The following TCF4 variants were observed in gnomAD, a reference collection of about 807,000 sequenced individuals.
The protein encoded by TCF4 is transcription factor 4.
A neutral mutation model predicts 82.1 loss-of-function variants in TCF4; 3 were observed. The ratio of observed to expected loss-of-function variants is 0.04; its 90% CI spans 0.02 to 0.09. TCF4 has a LOEUF of 0.09. Among genes scored for constraint, TCF4 ranks in the 10% least tolerant of loss-of-function variants. TCF4 has a pLI of 1.00. For synonymous variants in TCF4, 276 were observed against 309.6 expected (o/e 0.89, Z 1.14); for missense variants, 518 against 852.7 (o/e 0.61, Z 4.89).
rs188969435 is a variant in TCF4, at chr18:55,542,865, G to A, written c.145+42415C>T. ...TTTTAAATTTACAGGCACAATTTAT[G>A]AGTCTATTAATTAAACATCTAAAAC... is the stretch of plus-strand genomic sequence containing the variant. On this transcript the variant is annotated intron_variant, in intron 3 of 19. Transcript: ENST00000354452. Among the ~76,000 whole-genome samples, 386 of 152,132 alleles carry A rather than the reference G, an allele frequency of 2.5e-3. 3 individuals are homozygous for A. Among genetic ancestry groups the A allele is most frequent in the Middle Eastern group, 0.01 (3 of 294 alleles).
At chr18:55,586,752 G>A (rs1382834067) in intron 2 of TCF4, among the ~76,000 whole-genome samples, 2 of 151,918 alleles carry the variant, frequency 1.3e-5, no homozygotes, top group Non-Finnish European at 2.9e-5. Context: ...TTTAGTTTTA[G>A]GGGTGTCTAT....
intron 8 of TCF4, among the ~76,000 whole-genome samples, chr18:55,301,814 T>TGG (rs879662082): frequency 0.049 from 3,650 of 74,702 alleles, 90 homozygotes; most frequent in South Asian, 0.19. Context: ...AAAAAAAAAG[T>TGG]GGGGGGGGAT....
intron 6 of TCF4, among the ~76,000 whole-genome samples, chr18:55,376,575 G>C (rs2090807162): frequency 6.6e-6 from 1 of 152,166 alleles, no homozygotes; most frequent in Non-Finnish European, 1.5e-5. Context: ...TATGCAAAGA[G>C]GAGGTGCCAT....
At chr18:55,229,100 A>G (rs1379077078) in intron 17 of TCF4, 24 bp from the exon 18 acceptor site, 1 of 1,611,196 alleles carries the variant, frequency 6.2e-7, no homozygotes, top group Non-Finnish European at 8.5e-7. Context: ...GGGATGCAAC[A>G]TTTTCTAATG....
At chr18:55,590,566 A>G (rs2097683471), upstream of TCF4, among the ~76,000 whole-genome samples, 1 of 152,224 alleles carries the variant, frequency 6.6e-6, no homozygotes, top group African/African-American at 2.4e-5. Context: ...CGAATTTTAT[A>G]GTGGATACAG....
intron 6 of TCF4, among the ~76,000 whole-genome samples, chr18:55,380,876 T>TAG: frequency 6.6e-6 from 1 of 152,334 alleles, no homozygotes; most frequent in African/African-American, 2.4e-5. Context: ...CAGGAGCTGG[T>TAG]AGGAAAGTAG....
At chr18:55,494,803 G>A (rs1603593119) in intron 3 of TCF4, among the ~76,000 whole-genome samples, 1 of 152,058 alleles carries the variant, frequency 6.6e-6, no homozygotes, top group East Asian at 1.9e-4. Flanking sequence ...ACCCTTGTAA[G>A]AACATAAATC....
chr18:55,324,290 T>C (rs983838250), intron 8 of TCF4, among the ~76,000 whole-genome samples: 2 of 152,236 alleles, frequency 1.3e-5, no homozygotes, highest in African/African-American at 4.8e-5. Context: ...AGTGAGACAC[T>C]GAACGTATTA....
intron 13 of TCF4, among the ~76,000 whole-genome samples, chr18:55,257,935 A>G (rs2057236208): frequency 2.0e-5 from 3 of 152,248 alleles, no homozygotes; most frequent in Admixed American, 6.5e-5. Context: ...TTTCTTCTGA[A>G]GAAAATAATT....
intron 3 of TCF4, among the ~76,000 whole-genome samples, chr18:55,545,776 A>G (rs1259330923): frequency 2.0e-5 from 3 of 152,094 alleles, no homozygotes; most frequent in Non-Finnish European, 4.4e-5. Flanking sequence ...TCACCCACTT[A>G]ATGTATTAAA....
intron 8 of TCF4, among the ~76,000 whole-genome samples, chr18:55,317,411 A>C (rs912094408): frequency 1.2e-4 from 18 of 152,060 alleles, no homozygotes; most frequent in Admixed American, 4.6e-4. Context: ...AATAGTAAGT[A>C]TAAGAAATAT....
intron 8 of TCF4, chr18:55,322,377 G>C: frequency 1.0e-6 from 1 of 990,606 alleles, no homozygotes. Context: ...ATTGTACGCA[G>C]CTGCCTGAGA....
At chr18:55,425,688 C>T (rs917528639) in intron 5 of TCF4, among the ~76,000 whole-genome samples, 3 of 152,260 alleles carry the variant, frequency 2.0e-5, no homozygotes, top group South Asian at 2.1e-4. Context: ...CAGATGTGTA[C>T]GTTGGGCTCT....
At chr18:55,337,920 C>T (rs556357292) in intron 8 of TCF4, among the ~76,000 whole-genome samples, 1 of 152,144 alleles carries the variant, frequency 6.6e-6, no homozygotes, top group South Asian at 2.1e-4. Flanking sequence ...AACAGCTGTA[C>T]TGGCCTCAAG....
At chr18:55,592,455 A>T (rs2097686604), upstream of TCF4, among the ~76,000 whole-genome samples, 1 of 152,116 alleles carries the variant, frequency 6.6e-6, no homozygotes, top group Non-Finnish European at 1.5e-5. Flanking sequence ...TCCTCTTCTT[A>T]TGAGAACACT....
intron 5 of TCF4, 31 bp from the exon 6 acceptor site, chr18:55,403,549 T>C: frequency 1.2e-6 from 2 of 1,613,748 alleles, no homozygotes; most frequent in Non-Finnish European, 1.7e-6. Context: ...AAAGTGTAAA[T>C]TGTGTTTTTC....
At chr18:55,335,365 A>C (rs994599349) in intron 8 of TCF4, among the ~76,000 whole-genome samples, 3 of 152,232 alleles carry the variant, frequency 2.0e-5, no homozygotes, top group African/African-American at 7.2e-5. Context: ...ATCAATAAAT[A>C]GTTCATTGTG....
At chr18:55,560,453 G>C (rs1240808338) in intron 3 of TCF4, among the ~76,000 whole-genome samples, 1 of 152,168 alleles carries the variant, frequency 6.6e-6, no homozygotes, top group African/African-American at 2.4e-5. Flanking sequence ...TCTAATGGCA[G>C]GTAGGTCCTT....
intron 5 of TCF4, among the ~76,000 whole-genome samples, chr18:55,453,622 C>T (rs1302191486): frequency 1.3e-5 from 2 of 151,996 alleles, no homozygotes; most frequent in African/African-American, 2.4e-5. Context: ...CCTAGTTGGA[C>T]TCTAAAAGTG....
Sources: gnomAD v4.1 joint callset for allele counts (sites outside exome capture counted in the v4.1 genomes callset) on GRCh38, gnomAD v4.1.1 for gene constraint, MANE v1.5 for transcripts, NCBI Gene and HGNC (gene_info 2026-07-23, HGNC 2026-07-21) for gene names.